Variants in CREB3L1 observed in about 807,000 individuals in gnomAD.
CREB3L1 encodes the protein cyclic AMP-responsive element-binding protein 3-like protein 1.
In CREB3L1, 33 loss-of-function variants were observed where a neutral mutation model predicts 54.5. The ratio of observed to expected loss-of-function variants is 0.61; its 90% CI spans 0.46 to 0.81. The LOEUF (loss-of-function observed/expected upper bound fraction) is 0.81, where lower values mean the gene tolerates loss of function less well. Among genes scored for constraint, CREB3L1 ranks in the 30% least tolerant of loss-of-function variants. The probability of loss-of-function intolerance (pLI) is 0.00; values close to 1 mark genes in which losing one functional copy is unlikely to be tolerated. For missense variants in CREB3L1, 656 were observed against 673.3 expected, an observed-to-expected ratio of 0.97 and a Z score of 0.29; for synonymous variants, 284 against 286.4, an observed-to-expected ratio of 0.99 and a Z score of 0.08.
chr11:46,316,762 G>A (rs1425138711), intron 9 of CREB3L1, among the ~76,000 whole-genome samples: 1 of 152,146 alleles, frequency 6.6e-6, no homozygotes, highest in African/African-American at 2.4e-5. Context: ...GCAGTGAAAA[G>A]GCTGAGGAAA....
rs769383549 is a variant in CREB3L1 at position 46,317,422 on chromosome 11, C to T, written c.1193C>T (p.Ser398Phe). 1 of 1,613,772 alleles carries T rather than the reference C, an allele frequency of 6.2e-7. No homozygotes were observed. Among genetic ancestry groups the T allele is most frequent in the Non-Finnish European group, 8.5e-7 (1 of 1,179,886 alleles). The change falls in exon 10 of 12, where the codon TCC becomes TTC. Residue 398 changes from serine to phenylalanine, a missense_variant. By Grantham distance (155) the Ser-to-Phe change is radical (BLOSUM62 -2). Around this residue, in one of 3 missense-constraint regions of CREB3L1, gnomAD observed 240 missense variants for 219.8 expected, o/e 1.09. Coordinates refer to ENST00000621158, the MANE Select transcript of CREB3L1 (RefSeq NM_052854.4). ...GSLVPCLPEF[S>F]SGSQTVKEDP... ...CTCGTGCCCTGCCTTCCCGAGTTCTCCTCCGGCTCCCAGACTGTGAAGGAA... is the reference window on the plus strand; with the variant it reads ...CTCGTGCCCTGCCTTCCCGAGTTCTTCTCCGGCTCCCAGACTGTGAAGGAA...
Position 46,278,275 on chromosome 11 carries a change from G to C in CREB3L1, c.102+62G>C. 1.7e-6 allele frequency: 2 copies of C among 1,180,404 alleles called. No individual in the cohort carries two copies. The highest frequency in any genetic ancestry group is 2.4e-6 in the Non-Finnish European group (2 of 831,900). 73.1% of individuals were successfully genotyped at this position (1,180,404 alleles called of 1,614,324 possible). A position where few individuals can be genotyped will look rare whatever the true frequency, so the allele number is the denominator to read the frequency against. On this transcript the variant is annotated intron_variant, in intron 1 of 11. Transcript: ENST00000621158. The surrounding 1 kb of genome is among the most constrained non-coding windows in gnomAD (Gnocchi z 4.2). ...GGCACCCGTCCTCGCGGCGCGCCTG[G>C]GCCCCTAGAAGGACCCGACTACACA...
Position 46,285,857 on chromosome 11 carries a change from T to C in CREB3L1, c.102+7644T>C, listed in dbSNP as rs567986410. Among the ~76,000 whole-genome samples the C allele has an allele frequency of 2.3e-4, 35 of 152,320 alleles. No individual in the cohort carries two copies. In the East Asian group the frequency reaches 6.7e-3, roughly 29 times the overall value. On this transcript the variant is annotated intron_variant, in intron 1 of 11. Transcript: ENST00000621158. ...AGAATAACAAAAATGAAAGTAGCGA[T>C]GGAGTGAGGCAGGCTCTTCAGGCCT...
At chr11:46,304,245 G>A (rs1166227498) in intron 2 of CREB3L1, among the ~76,000 whole-genome samples, 3 of 152,182 alleles carry the variant, frequency 2.0e-5, no homozygotes, top group Non-Finnish European at 2.9e-5. Context: ...GGCCGAGGAG[G>A]GTGGATCACC....
At chr11:46,293,223 C>T (rs1298627152) in intron 1 of CREB3L1, among the ~76,000 whole-genome samples, 3 of 152,240 alleles carry the variant, frequency 2.0e-5, no homozygotes, top group Admixed American at 6.5e-5. Context: ...ATCCCCTGGC[C>T]GCTGCCTATA....
chr11:46,280,278 C>T (rs1391644636), intron 1 of CREB3L1, among the ~76,000 whole-genome samples: 11 of 151,478 alleles, frequency 7.3e-5, no homozygotes, highest in Admixed American at 7.2e-4. Context: ...AGCTCCGCCT[C>T]CCGGGTTCAC....
Position 46,277,740 on chromosome 11 carries a change from AGC to A in CREB3L1, c.-371_-370del, listed in dbSNP as rs1938893718. The A allele has an allele frequency of 4.5e-6, 1 of 224,536 alleles. No individual in the cohort carries two copies. Among genetic ancestry groups the A allele is most frequent in the Non-Finnish European group, 8.8e-6 (1 of 113,676 alleles). The allele number at this position is 224,536 out of a possible 1,614,324, so 13.9% of individuals were successfully genotyped here. A position where few individuals can be genotyped will look rare whatever the true frequency, so the allele number is the denominator to read the frequency against. ...GCCGGCAGCCACCCAGTCTCGGGGG[AGC>A]ACTTAGCTCCCCCGCCCCGGCTCCC... On this transcript the variant is annotated 5_prime_UTR_variant, in exon 1 of 12. Coordinates refer to ENST00000621158, the MANE Select transcript of CREB3L1 (RefSeq NM_052854.4).
chr11:46,302,832 T>C (rs1939322861), intron 2 of CREB3L1, among the ~76,000 whole-genome samples: 1 of 152,000 alleles, frequency 6.6e-6, no homozygotes, highest in Non-Finnish European at 1.5e-5. Flanking sequence ...AATACAAAAA[T>C]TCACCAGGCA....
chr11:46,319,646 G>A (rs1264481957), intron 10 of CREB3L1, among the ~76,000 whole-genome samples: 3 of 152,098 alleles, frequency 2.0e-5, no homozygotes, highest in African/African-American at 4.8e-5. Context: ...GGGAGGCCAA[G>A]GTGGGAGGAT....
chr11:46,291,537 GC>G (rs1172038657), intron 1 of CREB3L1, among the ~76,000 whole-genome samples: 1 of 152,200 alleles, frequency 6.6e-6, no homozygotes, highest in Non-Finnish European at 1.5e-5. Context: ...GAACTGCTTT[GC>G]CTCTTCACGT....
At chr11:46,299,069 C>T (rs1312794058) in intron 1 of CREB3L1, among the ~76,000 whole-genome samples, 3 of 152,200 alleles carry the variant, frequency 2.0e-5, no homozygotes, top group African/African-American at 7.2e-5. Context: ...TGTGCGTTCA[C>T]ACACACAACT....
At position 46,283,037 on chromosome 11, in the gene CREB3L1, A is replaced by C. The variant is rs572828778; in HGVS notation, c.102+4824A>C. Among the ~76,000 whole-genome samples, 26 of 152,176 alleles carry C rather than the reference A, an allele frequency of 1.7e-4. No individual in the cohort carries two copies. The South Asian group carries it at 4.8e-3, about 28-fold the overall frequency. On this transcript the variant is annotated intron_variant, in intron 1 of 11. Coordinates refer to ENST00000621158, the MANE Select transcript of CREB3L1 (RefSeq NM_052854.4). The stretch of plus-strand genomic sequence containing the variant: ...ACCTCGTCTCTACAAAAAATAAAAA[A>C]AAAATGAGCCGGGCATGGTGGCATA...
chr11:46,311,004 C>T (rs1429576785), intron 4 of CREB3L1, 28 bp from the exon 5 acceptor site: 4 of 1,543,394 alleles, frequency 2.6e-6, no homozygotes, highest in East Asian at 4.7e-5. Flanking sequence ...TGCAACGTTG[C>T]TAACTCGGTT....
intron 1 of CREB3L1, among the ~76,000 whole-genome samples, chr11:46,293,999 G>A: frequency 6.6e-6 from 1 of 152,202 alleles, no homozygotes; most frequent in East Asian, 1.9e-4. Flanking sequence ...GATAGCGCCT[G>A]TACAAGGCTG....
chr11:46,292,045 G>T (rs1298162832), intron 1 of CREB3L1, among the ~76,000 whole-genome samples: 1 of 152,198 alleles, frequency 6.6e-6, no homozygotes, highest in African/African-American at 2.4e-5. Context: ...CTGGCGGGTT[G>T]GCCACTGTGT....
rs938780764 is a variant in CREB3L1 at position 46,299,843 on chromosome 11, C to A, written c.103-92C>A. 2.5e-5 allele frequency: 21 copies of A among 852,044 alleles called. No homozygotes were observed. The African/African-American group carries it at 3.2e-4, about 13-fold the overall frequency. The allele number at this position is 852,044 out of a possible 1,614,324, so 52.8% of individuals were successfully genotyped here. A position where few individuals can be genotyped will look rare whatever the true frequency, so the allele number is the denominator to read the frequency against. On this transcript the variant is annotated intron_variant, in intron 1 of 11. Transcript: ENST00000621158. ...GGGAGGTTGCAGGGACAGTGGTGGC[C>A]ATGGTGGGGTGCTGCACCACCACAG...
chr11:46,313,396 A>C (rs976484306), intron 8 of CREB3L1, among the ~76,000 whole-genome samples: 4 of 152,160 alleles, frequency 2.6e-5, no homozygotes, highest in Non-Finnish European at 4.4e-5. Context: ...GGAGCTTGTT[A>C]GAAATGCAGG....
rs187716375 is a variant in CREB3L1, at chr11:46,293,054, T to C, written c.103-6881T>C. On this transcript the variant is annotated intron_variant, in intron 1 of 11. Transcript: ENST00000621158. ...GAGCAGGAACTGGATCTTGTTCATCTCTGTATCCACAAAGCTGGGCACCCA... is the reference window on the plus strand; with the variant it reads ...GAGCAGGAACTGGATCTTGTTCATCCCTGTATCCACAAAGCTGGGCACCCA... Among the ~76,000 whole-genome samples the C allele has an allele frequency of 7.2e-5, 11 of 152,362 alleles. No homozygotes were observed. In the East Asian group the frequency reaches 2.1e-3, roughly 29 times the overall value.
Position 46,316,324 on chromosome 11 carries a change from T to C in CREB3L1, c.1070T>C (p.Val357Ala). ...CAGCTGCAGAAACTCCAGACTCTGGTCACCAACAAGATCTCCAGACCTTAC... is the reference window on the plus strand; with the variant it reads ...CAGCTGCAGAAACTCCAGACTCTGGCCACCAACAAGATCTCCAGACCTTAC... The part of the protein sequence containing the change: ...LQQLQKLQTL[V>A]TNKISRPYKM... Residue 357 changes from valine to alanine, a missense_variant, in exon 9 of 12, where the codon GTC becomes GCC. By Grantham distance (64) the Val-to-Ala change is moderately conservative. Transcript: ENST00000621158. 1 of 1,574,916 alleles carries C rather than the reference T, an allele frequency of 6.3e-7. No homozygotes were observed. The highest frequency in any genetic ancestry group is 8.6e-7 in the Non-Finnish European group (1 of 1,160,480).
Sources: gnomAD v4.1 joint callset for allele counts (sites outside exome capture counted in the v4.1 genomes callset) on GRCh38, gnomAD v4.1.1 for gene constraint, gnomAD v4.1.1 regional missense constraint, Gnocchi (gnomAD v3.1) non-coding constraint, MANE v1.5 for transcripts, NCBI Gene and HGNC (gene_info 2026-07-23, HGNC 2026-07-21) for gene names.